MYRIP: variants seen among roughly 807,000 people sequenced by gnomAD.
The protein encoded by MYRIP is myosin VIIA and Rab interacting protein.
In MYRIP, 49 loss-of-function variants were observed where a neutral mutation model predicts 98.0. That is an observed-to-expected ratio of 0.50 (90% CI 0.40 to 0.63). The LOEUF is 0.63. MYRIP is among the 30% of genes least tolerant of loss of function. The pLI is 0.00. For missense variants in MYRIP, 1,004 were observed against 1,058.2 expected, an observed-to-expected ratio of 0.95 and a Z score of 0.71; for synonymous variants, 404 against 409.5, an observed-to-expected ratio of 0.99 and a Z score of 0.16.
Position 40,070,786 on chromosome 3 carries a change from C to T in MYRIP, c.332+26515C>T, listed in dbSNP as rs1475532005. 2.0e-5 allele frequency among the ~76,000 whole-genome samples: 3 copies of T among 152,190 alleles called. No individual in the cohort carries two copies. The East Asian group carries it at 5.8e-4, about 29-fold the overall frequency. On this transcript the variant is annotated intron_variant, in intron 3 of 16. Transcript: ENST00000302541. ...GTACCAGAAAGGCTGGGGACTGCTG[C>T]TTTTGATGATCAGGCTAGATTCAGG...
chr3:40,246,334 G>T (rs1276116901), intron 13 of MYRIP, among the ~76,000 whole-genome samples: 1 of 151,988 alleles, frequency 6.6e-6, no homozygotes, highest in Non-Finnish European at 1.5e-5. Context: ...GAAAGAGGAA[G>T]GGTTTGGTGA....
In MYRIP at chr3:39,843,851, G is replaced by T. The variant is rs560622339; in HGVS notation, c.-31+33935G>T. On this transcript the variant is annotated intron_variant, in intron 1 of 16. Coordinates refer to ENST00000302541, the MANE Select transcript of MYRIP (RefSeq NM_015460.4). ...TAGTGCTAGCCTCTGCTATTGGAAA[G>T]ATAGATCCTCAGCAGTGGAGATAGA... is the stretch of plus-strand genomic sequence containing the variant. Among the ~76,000 whole-genome samples, 6 of 152,342 alleles carry T rather than the reference G, an allele frequency of 3.9e-5. No individual in the cohort carries two copies. In the South Asian group the frequency reaches 1.0e-3, roughly 26 times the overall value.
intron 2 of MYRIP, among the ~76,000 whole-genome samples, chr3:39,937,659 A>C (rs1944685955): frequency 6.6e-6 from 1 of 152,240 alleles, no homozygotes; most frequent in South Asian, 2.1e-4. Flanking sequence ...CAAAGTGACC[A>C]GAGGCCCAAA....
At position 40,183,566 on chromosome 3, in the gene MYRIP, G is replaced by A. The variant is rs913816806; in HGVS notation, c.1027+1193G>A. The stretch of plus-strand genomic sequence containing the variant: ...CCATCACTGTGGGTGACGGCCGAGG[G>A]CCATGAAGCCCCTGTGCTCAGGGGG... On this transcript the variant is annotated intron_variant, in intron 9 of 16. Coordinates refer to ENST00000302541, the MANE Select transcript of MYRIP (RefSeq NM_015460.4). 3.3e-5 allele frequency among the ~76,000 whole-genome samples: 5 copies of A among 152,322 alleles called. No homozygotes were observed. In the South Asian group the frequency reaches 8.3e-4, roughly 25 times the overall value.
At position 40,197,980 on chromosome 3, in the gene MYRIP, C is replaced by T. The variant is rs141646469; in HGVS notation, c.1665+7517C>T. On this transcript the variant is annotated intron_variant, in intron 10 of 16. Transcript: ENST00000302541. ...CTGCCTCGCATTATGCTTCTCTGAT[C>T]AGATGGCTAAGAACCTAGCCACAGT... Among the ~76,000 whole-genome samples, 5 of 152,292 alleles carry T rather than the reference C, an allele frequency of 3.3e-5. No individual in the cohort carries two copies. The East Asian group carries it at 9.6e-4, about 29-fold the overall frequency.
chr3:39,894,414 A>T (rs945432421), intron 1 of MYRIP, among the ~76,000 whole-genome samples: 1 of 152,196 alleles, frequency 6.6e-6, no homozygotes, highest in East Asian at 1.9e-4. Context: ...TGCTCAATAC[A>T]ATATACCTAT....
chr3:40,031,965 G>A (rs1383409039), intron 2 of MYRIP, among the ~76,000 whole-genome samples: 5 of 152,006 alleles, frequency 3.3e-5, no homozygotes, highest in Non-Finnish European at 7.4e-5. Flanking sequence ...ATTTTTTGAA[G>A]GGTTTTTTGT....
At chr3:40,135,254 G>A (rs960396798) in intron 3 of MYRIP, among the ~76,000 whole-genome samples, 13 of 152,196 alleles carry the variant, frequency 8.5e-5, no homozygotes, top group Non-Finnish European at 1.0e-4. Context: ...CTCAGTAACC[G>A]ATGTGATCAA....
chr3:39,975,795 G>T (rs1945734680), intron 2 of MYRIP, among the ~76,000 whole-genome samples: 2 of 152,256 alleles, frequency 1.3e-5, no homozygotes, highest in South Asian at 2.1e-4. Context: ...ACAAGCAATG[G>T]GGAAAGGATT....
At chr3:39,915,276 A>G (rs560157641) in intron 2 of MYRIP, among the ~76,000 whole-genome samples, 1 of 152,174 alleles carries the variant, frequency 6.6e-6, no homozygotes, top group Non-Finnish European at 1.5e-5. Flanking sequence ...CTCAATTGAC[A>G]AAATTAACTG....
At chr3:39,897,335 A>G (rs970091015) in intron 1 of MYRIP, among the ~76,000 whole-genome samples, 2 of 152,224 alleles carry the variant, frequency 1.3e-5, no homozygotes, top group African/African-American at 4.8e-5. Flanking sequence ...CATTTCTCAT[A>G]TTTATTTCAC....
intron 7 of MYRIP, 83 bp from the exon 8 acceptor site, chr3:40,169,867 T>A: frequency 2.6e-6 from 4 of 1,563,354 alleles, no homozygotes; most frequent in Non-Finnish European, 3.5e-6. Flanking sequence ...CTGAAAAAAA[T>A]TCCAAAGATG....
At chr3:40,237,187 A>T (rs1209425313) in intron 12 of MYRIP, among the ~76,000 whole-genome samples, 1 of 152,066 alleles carries the variant, frequency 6.6e-6, no homozygotes, top group East Asian at 1.9e-4. Context: ...TGCTTGTTTC[A>T]CTTTAAAAGT....
rs539410162 is a variant in MYRIP, at chr3:40,245,747, A to ATTTTTTTTTT, written c.2262+1149_2262+1158dup. Among the ~76,000 whole-genome samples the ATTTTTTTTTT allele has an allele frequency of 3.1e-5, 3 of 95,862 alleles. 1 individual carries two copies. Among genetic ancestry groups the ATTTTTTTTTT allele is most frequent in the African/African-American group, 1.3e-4 (3 of 22,908 alleles). The allele number at this position is 95,862 out of a possible 152,430, so 62.9% of individuals were successfully genotyped here. A position where few individuals can be genotyped will look rare whatever the true frequency, so the allele number is the denominator to read the frequency against. On this transcript the variant is annotated intron_variant, in intron 13 of 16. Transcript: ENST00000302541. ...TTCAGTATAGACCCCTGGTTTGCTGATTTTTTTTTTTTTTTTTTGAGACAG... is the reference window on the plus strand; with the variant it reads ...TTCAGTATAGACCCCTGGTTTGCTGATTTTTTTTTTTTTTTTTTTTTTTTTTTTGAGACAG...
At chr3:39,957,829 A>T (rs1201881528) in intron 2 of MYRIP, among the ~76,000 whole-genome samples, 1 of 152,248 alleles carries the variant, frequency 6.6e-6, no homozygotes, top group Non-Finnish European at 1.5e-5. Context: ...ACTTCAGCAA[A>T]GTCTCAGGAT....
chr3:39,929,063 CAT>C (rs1944483089), intron 2 of MYRIP, among the ~76,000 whole-genome samples: 1 of 151,784 alleles, frequency 6.6e-6, no homozygotes, highest in Admixed American at 6.6e-5. Flanking sequence ...AACATGGACA[CAT>C]ATGGATACTG....
In MYRIP at chr3:39,820,802, G is replaced by A. The variant is rs115107647; in HGVS notation, c.-31+10886G>A. Among the ~76,000 whole-genome samples, 1,415 of 152,224 alleles carry A rather than the reference G, an allele frequency of 9.3e-3. 13 individuals carry two copies. The highest frequency in any genetic ancestry group is 0.023 in the Admixed American group (348 of 15,304). ...GATGTCAGGTGCCTCTCCTAGAACT[G>A]CAGATCTTGCAGTCTGGCACTGGAA... On this transcript the variant is annotated intron_variant, in intron 1 of 16. Coordinates refer to ENST00000302541, the MANE Select transcript of MYRIP (RefSeq NM_015460.4).
intron 11 of MYRIP, among the ~76,000 whole-genome samples, chr3:40,215,622 G>T (rs777366876): frequency 1.6e-4 from 24 of 152,110 alleles, no homozygotes; most frequent in African/African-American, 5.1e-4. Context: ...TGATGTCATG[G>T]TGTTAACATA....
At chr3:39,832,399 T>A (rs1032019355) in intron 1 of MYRIP, among the ~76,000 whole-genome samples, 3 of 152,188 alleles carry the variant, frequency 2.0e-5, no homozygotes, top group Non-Finnish European at 4.4e-5. Flanking sequence ...GAGCTTGTAT[T>A]TTTTACTCTT....
Sources: allele counts gnomAD v4.1 joint callset (sites outside exome capture counted in the v4.1 genomes callset), GRCh38; gene constraint gnomAD v4.1.1; transcripts MANE v1.5; gene names NCBI Gene and HGNC (gene_info 2026-07-23, HGNC 2026-07-21).